ATPAF2: variants seen among roughly 807,000 people sequenced by gnomAD.
ATPAF2 encodes the protein ATP synthase mitochondrial F1 complex assembly factor 2, also known as ATP12 homolog.
In ATPAF2, 30 loss-of-function variants were observed where a neutral mutation model predicts 36.6. The ratio of observed to expected loss-of-function variants is 0.82; its 90% CI spans 0.61 to 1.11. ATPAF2 has a LOEUF of 1.11. ATPAF2 is among the 50% of genes most tolerant of loss of function. The pLI is 0.00. For missense variants in ATPAF2, 321 were observed against 372.3 expected (o/e 0.86, Z 1.13); for synonymous variants, 140 against 152.6 (o/e 0.92, Z 0.61).
chr17:18,028,158 A>C, intron 3 of ATPAF2, 74 bp downstream of exon 3: 1 of 1,597,280 alleles, frequency 6.3e-7, no homozygotes. Context: ...GCCTTGTCGG[A>C]ATTTGGTAAA....
At chr17:18,022,727 T>C (rs998660683) in intron 5 of ATPAF2, among the ~76,000 whole-genome samples, 4 of 151,824 alleles carry the variant, frequency 2.6e-5, no homozygotes, top group African/African-American at 9.7e-5. Flanking sequence ...AGATACATTT[T>C]CAAGAATAAT....
intron 5 of ATPAF2, among the ~76,000 whole-genome samples, chr17:18,023,127 CAAAAAA>C (rs772470040): frequency 1.9e-5 from 2 of 104,776 alleles, no homozygotes; most frequent in Non-Finnish European, 4.0e-5. Context: ...AGACTCCTTT[CAAAAAA>C]AAAAAAAAAA....
chr17:18,026,107 G>C (rs779215956), intron 4 of ATPAF2: 14 of 635,178 alleles, frequency 2.2e-5, no homozygotes, highest in Admixed American at 4.5e-5. Context: ...TTCTGGGCTA[G>C]AGAAGAGGGG....
At chr17:18,016,665 A>G, downstream of ATPAF2, 1 of 1,606,510 alleles carries the variant, frequency 6.2e-7, no homozygotes. Flanking sequence ...GCGACATCCT[A>G]GACTAGATGA....
chr17:18,039,115 C>G lies in ATPAF2; in HGVS notation c.-102G>C. Reference sequence around the variant, plus strand: ...GCACGGTCGGGCTGTACGGAAACCTCTCAACGCCTCCTCAGAGCCCTCAAC... The same window carrying G: ...GCACGGTCGGGCTGTACGGAAACCTGTCAACGCCTCCTCAGAGCCCTCAAC... On this transcript the variant is annotated 5_prime_UTR_variant, in exon 1 of 8. Coordinates refer to ENST00000474627, the MANE Select transcript of ATPAF2 (RefSeq NM_145691.4). The surrounding 1 kb of genome is among the most constrained non-coding windows in gnomAD (Gnocchi z 5.3). 1 of 1,484,208 alleles carries G rather than the reference C, an allele frequency of 6.7e-7. No individual in the cohort carries two copies. The highest frequency in any genetic ancestry group is 1.2e-5 in the South Asian group (1 of 82,582). 91.9% of individuals were successfully genotyped at this position (1,484,208 alleles called of 1,614,324 possible).
rs374591403 is a variant in ATPAF2 at position 18,030,877 on chromosome 17, G to A, written c.134-2218C>T. On this transcript the variant is annotated intron_variant, in intron 1 of 7. Transcript: ENST00000474627. ...TTTAGTAGAGACGGGGTTTCACCGTGTTAGCCAGGATGGTCTTGATCTCCT... is the reference window on the plus strand; with the variant it reads ...TTTAGTAGAGACGGGGTTTCACCGTATTAGCCAGGATGGTCTTGATCTCCT... Among the ~76,000 whole-genome samples the A allele has an allele frequency of 1.5e-3, 177 of 119,578 alleles. 3 individuals carry two copies. In the East Asian group the frequency reaches 0.03, roughly 20 times the overall value. 78.4% of individuals were successfully genotyped at this position (119,578 alleles called of 152,430 possible).
intron 3 of ATPAF2, 30 bp downstream of exon 3, chr17:18,028,200 CAG>C: frequency 1.2e-6 from 2 of 1,614,108 alleles, no homozygotes; most frequent in Non-Finnish European, 1.7e-6. Flanking sequence ...GGGTGGGTCT[CAG>C]GGTCCAGGTT....
chr17:18,017,193 AAAAAAAAAAAAAAAAT>A, downstream of ATPAF2, among the ~76,000 whole-genome samples: 2 of 148,488 alleles, frequency 1.3e-5, no homozygotes, highest in Admixed American at 6.7e-5. Context: ...AAAAAAAAAA[AAAAAAAAAAAAAAAAT>A]GTTCATGTAG....
intron 1 of ATPAF2, among the ~76,000 whole-genome samples, chr17:18,038,165 T>C (rs761304335): frequency 3.3e-5 from 5 of 152,234 alleles, no homozygotes; most frequent in African/African-American, 7.2e-5. Context: ...CCGTGCCTCC[T>C]GCCTCCAGCA....
intron 1 of ATPAF2, among the ~76,000 whole-genome samples, chr17:18,036,527 G>A (rs2044706317): frequency 6.6e-6 from 1 of 151,310 alleles, no homozygotes; most frequent in African/African-American, 2.4e-5. Flanking sequence ...AGTGAGCCAA[G>A]ATTGCGCCAC....
chr17:18,036,402 C>T (rs533663960), intron 1 of ATPAF2, among the ~76,000 whole-genome samples: 16 of 152,062 alleles, frequency 1.1e-4, no homozygotes, highest in Middle Eastern at 6.8e-3. Context: ...GGTGAAACTC[C>T]GTCTCTACTG....
intron 6 of ATPAF2, 47 bp downstream of exon 6, chr17:18,021,698 T>A: frequency 6.6e-7 from 1 of 1,516,582 alleles, no homozygotes; most frequent in Non-Finnish European, 9.2e-7. Context: ...CAGACACTGA[T>A]GGCCTTCACA....
chr17:18,021,024 G>C (rs1168359060), intron 7 of ATPAF2, 99 bp downstream of exon 7: 1 of 1,496,012 alleles, frequency 6.7e-7, no homozygotes, highest in Non-Finnish European at 8.9e-7. Flanking sequence ...AGTAATAAAA[G>C]CCAAGTATGC....
At chr17:18,017,283 G>A (rs2145478772), downstream of ATPAF2, among the ~76,000 whole-genome samples, 1 of 150,236 alleles carries the variant, frequency 6.7e-6, no homozygotes, top group African/African-American at 2.5e-5. Context: ...CAACTCCCAA[G>A]GGCACTGCCA....
At chr17:18,023,460 T>A (rs527579606) in intron 5 of ATPAF2, among the ~76,000 whole-genome samples, 2 of 152,290 alleles carry the variant, frequency 1.3e-5, no homozygotes, top group African/African-American at 4.8e-5. Flanking sequence ...CTTGCTGAAA[T>A]TCCTAATAGT....
intron 1 of ATPAF2, among the ~76,000 whole-genome samples, chr17:18,031,544 GC>G (rs1055051139): frequency 1.3e-5 from 2 of 151,900 alleles, no homozygotes; most frequent in Non-Finnish European, 2.9e-5. Context: ...ACTTTGGGGG[GC>G]TGAGGCGGGC....
chr17:18,024,927 A>C, intron 4 of ATPAF2: 1 of 568,498 alleles, frequency 1.8e-6, no homozygotes, highest in Non-Finnish European at 3.2e-6. Context: ...ATGCCTACAG[A>C]AATCAGAACC....
At chr17:18,034,055 G>T (rs2044672313) in intron 1 of ATPAF2, among the ~76,000 whole-genome samples, 1 of 152,232 alleles carries the variant, frequency 6.6e-6, no homozygotes, top group South Asian at 2.1e-4. Context: ...GGAGGTTGAG[G>T]CTGCAGTGAG....
At chr17:18,029,331 C>G (rs2044593878) in intron 1 of ATPAF2, among the ~76,000 whole-genome samples, 1 of 152,186 alleles carries the variant, frequency 6.6e-6, no homozygotes, top group Non-Finnish European at 1.5e-5. Flanking sequence ...GATTAACAAC[C>G]AAGAGCACTT....
Sources: allele counts gnomAD v4.1 joint callset (sites outside exome capture counted in the v4.1 genomes callset), GRCh38; gene constraint gnomAD v4.1.1; non-coding constraint Gnocchi (gnomAD v3.1); transcripts MANE v1.5; gene names NCBI Gene and HGNC (gene_info 2026-07-23, HGNC 2026-07-21).